The following GRXCR1 variants were observed in gnomAD, a reference collection of about 807,000 sequenced individuals.
The protein encoded by GRXCR1 is glutaredoxin and cysteine rich domain containing 1, also known as glutaredoxin domain-containing cysteine-rich protein 1.
Under a neutral mutation model 27.3 loss-of-function variants are expected in GRXCR1, and 27 were observed. The observed-to-expected ratio is 0.99, with a 90% confidence interval of 0.73 to 1.37. The LOEUF (loss-of-function observed/expected upper bound fraction) is 1.37. GRXCR1 is among the 40% of genes most tolerant of loss of function. The pLI is 0.00. For missense variants in GRXCR1, 379 were observed against 354.4 expected (o/e 1.07, Z -0.56); for synonymous variants, 122 against 131.1 (o/e 0.93, Z 0.47).
At chr4:42,937,236 T>C (rs1188957406) in intron 1 of GRXCR1, among the ~76,000 whole-genome samples, 1 of 151,210 alleles carries the variant, frequency 6.6e-6, no homozygotes. Flanking sequence ...GTCATTGAAA[T>C]TGGCTCTTGA....
chr4:42,965,651 A>G (rs1406086865), intron 2 of GRXCR1, among the ~76,000 whole-genome samples: 10 of 152,062 alleles, frequency 6.6e-5, no homozygotes, highest in Admixed American at 6.6e-4. Flanking sequence ...AAACCATTTG[A>G]TTTAGTTTAA....
chr4:42,896,037 T>C (rs900550954), intron 1 of GRXCR1, among the ~76,000 whole-genome samples: 6 of 152,144 alleles, frequency 3.9e-5, no homozygotes, highest in African/African-American at 9.6e-5. Flanking sequence ...GGAACTGTGA[T>C]TGAAGAAACA....
intron 2 of GRXCR1, among the ~76,000 whole-genome samples, chr4:42,987,399 C>T (rs1255380175): frequency 6.6e-6 from 1 of 150,988 alleles, no homozygotes; most frequent in African/African-American, 2.4e-5. Flanking sequence ...CCTCCTGCCT[C>T]AGCCTCCTGA....
chr4:42,959,742 C>T (rs766000751), intron 1 of GRXCR1, among the ~76,000 whole-genome samples: 7 of 151,882 alleles, frequency 4.6e-5, no homozygotes, highest in Non-Finnish European at 1.0e-4. Flanking sequence ...TGGGGCGAGG[C>T]CTGTGATTCT....
At chr4:42,902,091 C>T (rs186809524) in intron 1 of GRXCR1, among the ~76,000 whole-genome samples, 33 of 152,176 alleles carry the variant, frequency 2.2e-4, no homozygotes, top group Middle Eastern at 3.4e-3. Context: ...GGTCTTGAAT[C>T]TAGTTGTATC....
At chr4:43,010,269 G>C (rs1712704182) in intron 2 of GRXCR1, among the ~76,000 whole-genome samples, 1 of 152,042 alleles carries the variant, frequency 6.6e-6, no homozygotes, top group Non-Finnish European at 1.5e-5. Flanking sequence ...CAGATGTGGT[G>C]GTGAGTGCCT....
chr4:42,993,639 A>G (rs1480022625), intron 2 of GRXCR1, among the ~76,000 whole-genome samples: 1 of 152,148 alleles, frequency 6.6e-6, no homozygotes, highest in Non-Finnish European at 1.5e-5. Flanking sequence ...ACTCTTGAAT[A>G]TCTCATACAA....
At chr4:42,932,153 G>A (rs1163332971) in intron 1 of GRXCR1, among the ~76,000 whole-genome samples, 1 of 151,778 alleles carries the variant, frequency 6.6e-6, no homozygotes, top group Admixed American at 6.6e-5. Flanking sequence ...ACCATATCAG[G>A]CTGTAGAATG....
intron 2 of GRXCR1, among the ~76,000 whole-genome samples, chr4:43,015,576 G>C (rs907641032): frequency 1.3e-5 from 2 of 151,968 alleles, no homozygotes; most frequent in African/African-American, 4.8e-5. Flanking sequence ...TTAGAAAACT[G>C]TTTCATCTAA....
At position 43,021,862 on chromosome 4, in the gene GRXCR1, T is replaced by C. The variant is rs147730639; in HGVS notation, c.693+1443T>C. On this transcript the variant is annotated intron_variant, in intron 3 of 3. Transcript: ENST00000399770. Reference sequence around the variant, plus strand: ...ATCTCCTTTTTTCCATAATTTATAATTTCTGAAGTATTATGACTTGGAAAT... The same window carrying C: ...ATCTCCTTTTTTCCATAATTTATAACTTCTGAAGTATTATGACTTGGAAAT... Among the ~76,000 whole-genome samples, 780 of 152,284 alleles carry C rather than the reference T, an allele frequency of 5.1e-3. 10 individuals carry two copies. Among genetic ancestry groups the C allele is most frequent in the African/African-American group, 0.018 (740 of 41,586 alleles).
At chr4:42,981,718 T>G (rs1265884332) in intron 2 of GRXCR1, among the ~76,000 whole-genome samples, 1 of 152,166 alleles carries the variant, frequency 6.6e-6, no homozygotes, top group Non-Finnish European at 1.5e-5. Context: ...GTTGACAGTT[T>G]TATTTTTTCT....
At chr4:42,897,504 C>A (rs886219842) in intron 1 of GRXCR1, among the ~76,000 whole-genome samples, 1 of 151,994 alleles carries the variant, frequency 6.6e-6, no homozygotes, top group Admixed American at 6.6e-5. Flanking sequence ...AAACATATAA[C>A]CTCCGTCTAT....
In GRXCR1 at chr4:42,932,974, G is replaced by T. The variant is rs957380216; in HGVS notation, c.385-29918G>T. On this transcript the variant is annotated intron_variant, in intron 1 of 3. Transcript: ENST00000399770. ...GAGGTCAGTGCAGGGAATGATGAGAGAATCATCTATATGATTCTAGGGAAC... is the reference window on the plus strand; with the variant it reads ...GAGGTCAGTGCAGGGAATGATGAGATAATCATCTATATGATTCTAGGGAAC... Among the ~76,000 whole-genome samples the T allele has an allele frequency of 2.0e-5, 3 of 151,816 alleles. No individual in the cohort carries two copies. In the South Asian group the frequency reaches 6.2e-4, roughly 32 times the overall value.
chr4:42,946,959 G>T (rs4861238), intron 1 of GRXCR1, among the ~76,000 whole-genome samples: 41,540 of 151,936 alleles, frequency 0.27, 6,265 homozygotes, highest in African/African-American at 0.4. Flanking sequence ...AGTGCTGGGG[G>T]TGCAGAAGAT....
At chr4:42,908,053 C>A (rs1286083123) in intron 1 of GRXCR1, among the ~76,000 whole-genome samples, 1 of 152,154 alleles carries the variant, frequency 6.6e-6, no homozygotes, top group Non-Finnish European at 1.5e-5. Context: ...GGGGTCATCT[C>A]CTGAACTGAT....
chr4:42,953,575 C>G (rs952308026), intron 1 of GRXCR1, among the ~76,000 whole-genome samples: 3 of 152,104 alleles, frequency 2.0e-5, no homozygotes, highest in Non-Finnish European at 4.4e-5. Flanking sequence ...ATGGGCTGTC[C>G]TCACCTAGCC....
At chr4:42,918,240 T>C (rs1330862618) in intron 1 of GRXCR1, among the ~76,000 whole-genome samples, 1 of 151,992 alleles carries the variant, frequency 6.6e-6, no homozygotes, top group Non-Finnish European at 1.5e-5. Flanking sequence ...GGAGGCAAAC[T>C]CACTCCTGAA....
rs2109738135 is a variant in GRXCR1, at chr4:42,901,211, C to T, written c.384+7561C>T. 2.6e-5 allele frequency among the ~76,000 whole-genome samples: 4 copies of T among 152,306 alleles called. No individual in the cohort carries two copies. In the Middle Eastern group the frequency reaches 0.014, roughly 518 times the overall value. On this transcript the variant is annotated intron_variant, in intron 1 of 3. Coordinates refer to ENST00000399770, the MANE Select transcript of GRXCR1 (RefSeq NM_001080476.3). ...TTCAGAAGAGACTGAACAACAATTA[C>T]TACTCACCCGGTGTATTAGTTTCCT... is the stretch of plus-strand genomic sequence containing the variant.
intron 2 of GRXCR1, among the ~76,000 whole-genome samples, chr4:42,968,953 G>C (rs1748315342): frequency 6.6e-6 from 1 of 152,084 alleles, no homozygotes; most frequent in African/African-American, 2.4e-5. Flanking sequence ...TAGGCAGTTA[G>C]TGTCTGCCAA....
Sources: allele counts gnomAD v4.1 joint callset (sites outside exome capture counted in the v4.1 genomes callset), GRCh38; gene constraint gnomAD v4.1.1; transcripts MANE v1.5; gene names NCBI Gene and HGNC (gene_info 2026-07-23, HGNC 2026-07-21).